The following PODXL2 variants were observed in gnomAD, a reference collection of about 807,000 sequenced individuals.
PODXL2 encodes podocalyxin like 2.
PODXL2 carries 17 observed loss-of-function variants against 53.4 expected under a neutral mutation model. The ratio of observed to expected loss-of-function variants is 0.32; its 90% CI spans 0.22 to 0.48. The LOEUF is 0.48. PODXL2 is among the 20% of genes least tolerant of loss of function. The probability of loss-of-function intolerance (pLI) is 0.99; values close to 1 mark genes in which losing one functional copy is unlikely to be tolerated. For synonymous variants in PODXL2, 311 were observed against 306.7 expected, an observed-to-expected ratio of 1.01 and a Z score of -0.15; for missense variants, 673 against 760.0, an observed-to-expected ratio of 0.89 and a Z score of 1.35.
chr3:127,656,521 G>A (rs1030229137), intron 2 of PODXL2, among the ~76,000 whole-genome samples: 2 of 152,086 alleles, frequency 1.3e-5, no homozygotes, highest in Non-Finnish European at 2.9e-5. Context: ...TGGATCATGA[G>A]GTCAGGAGTT....
At chr3:127,640,134 G>C (rs985019788) in intron 2 of PODXL2, among the ~76,000 whole-genome samples, 3 of 152,192 alleles carry the variant, frequency 2.0e-5, no homozygotes, top group Non-Finnish European at 2.9e-5. Context: ...CCGAGGCCTA[G>C]GGCTCCAGGT....
chr3:127,655,891 A>G (rs1422482062), intron 2 of PODXL2, among the ~76,000 whole-genome samples: 1 of 152,276 alleles, frequency 6.6e-6, no homozygotes, highest in Non-Finnish European at 1.5e-5. Context: ...ATGATGAGTC[A>G]GAGGCTGACC....
At chr3:127,632,550 G>C (rs553557444) in intron 1 of PODXL2, among the ~76,000 whole-genome samples, 102 of 152,316 alleles carry the variant, frequency 6.7e-4, no homozygotes, top group Non-Finnish European at 1.2e-3. Flanking sequence ...TATACAATGT[G>C]TATTATTTAA....
intron 4 of PODXL2, among the ~76,000 whole-genome samples, chr3:127,668,101 CGTGTGTGTGTGTGTGTGTGT>C (rs55716588): frequency 1.4e-5 from 2 of 145,758 alleles, no homozygotes; most frequent in Non-Finnish European, 1.5e-5. Flanking sequence ...TACATGGCTG[CGTGTGTGTGTGTGTGTGTGT>C]GTGTGTGTGT....
intron 2 of PODXL2, among the ~76,000 whole-genome samples, chr3:127,655,043 A>G (rs1188046628): frequency 6.6e-6 from 1 of 152,042 alleles, no homozygotes; most frequent in East Asian, 1.9e-4. Context: ...CCCGTGTTCA[A>G]GCGACTCTCA....
At chr3:127,666,204 C>G (rs2074794199) in intron 4 of PODXL2, among the ~76,000 whole-genome samples, 1 of 152,150 alleles carries the variant, frequency 6.6e-6, no homozygotes, top group Admixed American at 6.5e-5. Flanking sequence ...TAAATGATGT[C>G]AGGTATGAAT....
intron 2 of PODXL2, among the ~76,000 whole-genome samples, chr3:127,641,295 G>A (rs986021574): frequency 2.6e-5 from 4 of 152,100 alleles, no homozygotes; most frequent in South Asian, 4.2e-4. Context: ...CTGTAACCTC[G>A]AACTCCTGGG....
chr3:127,669,073 C>T, intron 5 of PODXL2, 68 bp from the exon 6 acceptor site: 1 of 1,060,528 alleles, frequency 9.4e-7, no homozygotes. Context: ...GAGAGCGGGG[C>T]CAGAGCCCTT....
intron 2 of PODXL2, among the ~76,000 whole-genome samples, chr3:127,642,488 C>A (rs1173970010): frequency 6.6e-6 from 1 of 151,918 alleles, no homozygotes; most frequent in Non-Finnish European, 1.5e-5. Flanking sequence ...TGAGTGCTTA[C>A]CATCTCTAGG....
At chr3:127,659,414 TGGA>T (rs999019416) in intron 2 of PODXL2, among the ~76,000 whole-genome samples, 6 of 152,240 alleles carry the variant, frequency 3.9e-5, no homozygotes, top group East Asian at 1.9e-4. Context: ...ATAAAAGTTT[TGGA>T]GGAGGAGGTA....
At chr3:127,647,098 T>C (rs1045255294) in intron 2 of PODXL2, among the ~76,000 whole-genome samples, 1 of 152,086 alleles carries the variant, frequency 6.6e-6, no homozygotes, top group South Asian at 2.1e-4. Context: ...TGACCTTGAG[T>C]GTGCTGCTTT....
chr3:127,647,632 G>A (rs2074664642), intron 2 of PODXL2, among the ~76,000 whole-genome samples: 1 of 152,240 alleles, frequency 6.6e-6, no homozygotes, highest in South Asian at 2.1e-4. Flanking sequence ...TCAACGTGCT[G>A]GAGCCTGCCC....
At chr3:127,653,498 T>C (rs924711732) in intron 2 of PODXL2, among the ~76,000 whole-genome samples, 2 of 152,024 alleles carry the variant, frequency 1.3e-5, no homozygotes, top group African/African-American at 4.8e-5. Flanking sequence ...TACAAAAAAT[T>C]AGCTGGGCGT....
intron 2 of PODXL2, among the ~76,000 whole-genome samples, chr3:127,647,646 C>T (rs973421535): frequency 2.0e-5 from 3 of 152,216 alleles, no homozygotes; most frequent in African/African-American, 7.2e-5. Context: ...CCTGCCCTGT[C>T]CCATCAGTCA....
intron 2 of PODXL2, among the ~76,000 whole-genome samples, chr3:127,641,172 A>C (rs1330390168): frequency 2.0e-5 from 3 of 152,110 alleles, no homozygotes; most frequent in Non-Finnish European, 4.4e-5. Flanking sequence ...TCGGCCTCCC[A>C]AAGTGCTGGG....
chr3:127,669,069 G>A (rs1238296228), intron 5 of PODXL2, 72 bp from the exon 6 acceptor site: 9 of 979,156 alleles, frequency 9.2e-6, no homozygotes, highest in Middle Eastern at 2.5e-4. Flanking sequence ...GTTGGAGAGC[G>A]GGGCCAGAGC....
chr3:127,650,666 G>A (rs927794585), intron 2 of PODXL2, among the ~76,000 whole-genome samples: 2 of 151,762 alleles, frequency 1.3e-5, no homozygotes, highest in African/African-American at 4.8e-5. Context: ...TTTTGTTGTT[G>A]TCGTTGTTGT....
intron 1 of PODXL2, among the ~76,000 whole-genome samples, chr3:127,631,312 A>G (rs1161194963): frequency 6.6e-6 from 1 of 152,136 alleles, no homozygotes; most frequent in Non-Finnish European, 1.5e-5. Context: ...GGTGGGGTGT[A>G]GCTGATGGTG....
chr3:127,671,855 G>T (rs2074844979), intron 7 of PODXL2, among the ~76,000 whole-genome samples: 1 of 152,226 alleles, frequency 6.6e-6, no homozygotes, highest in Admixed American at 6.5e-5. Context: ...GGCACCACCA[G>T]CCCCTTTCCG....
Sources: gnomAD v4.1 joint callset for allele counts (sites outside exome capture counted in the v4.1 genomes callset) on GRCh38, gnomAD v4.1.1 for gene constraint, MANE v1.5 for transcripts, NCBI Gene and HGNC (gene_info 2026-07-23, HGNC 2026-07-21) for gene names.